Variants in TPH2 observed in about 807,000 individuals in gnomAD.
The protein encoded by TPH2 is tryptophan 5-hydroxylase 2.
In TPH2, 27 loss-of-function variants were observed where a neutral mutation model predicts 59.1. That is an observed-to-expected ratio of 0.46 (90% confidence interval 0.34 to 0.63). The LOEUF is 0.63. Ranked by LOEUF, TPH2 falls within the 30% of genes least tolerant of loss-of-function variation. The pLI is 0.01. For synonymous variants in TPH2, 220 were observed against 210.5 expected, an observed-to-expected ratio of 1.05 and a Z score of -0.39; for missense variants, 523 against 588.3, an observed-to-expected ratio of 0.89 and a Z score of 1.15.
intron 8 of TPH2, 41 bp from the exon 9 acceptor site, chr12:72,022,358 T>C: frequency 6.9e-7 from 1 of 1,446,092 alleles, no homozygotes; most frequent in Non-Finnish European, 9.7e-7. Context: ...ATCAAATAAC[T>C]CATTGACCAG....
chr12:71,982,347 T>A (rs7969114), intron 7 of TPH2, among the ~76,000 whole-genome samples: 88,292 of 151,696 alleles, frequency 0.58, 25,953 homozygotes, highest in African/African-American at 0.62. Flanking sequence ...TAATTCAGAA[T>A]TTAAAGTTCA....
chr12:72,031,354 G>C lies in TPH2; in HGVS notation c.1261G>C (p.Val421Leu). 1.9e-6 allele frequency: 3 copies of C among 1,613,644 alleles called. No homozygotes were observed. Among genetic ancestry groups the C allele is most frequent in the Non-Finnish European group, 8.5e-7 (1 of 1,179,636 alleles). Residue 421 changes from valine (V) to leucine (L), a missense_variant, in exon 10 of 11, where the codon GTT becomes CTT. By Grantham distance (32) the Val-to-Leu change is conservative. Transcript: ENST00000333850. ...CACCACCTTCCAGGAAGCCTACTTT[G>C]TTTCAGAAAGTTTTGAAGAAGCCAA... ...LITTFQEAYF[V>L]SESFEEAKEK...
chr12:71,959,477 A>T (rs12322900), intron 5 of TPH2, among the ~76,000 whole-genome samples: 77,174 of 151,950 alleles, frequency 0.51, 20,318 homozygotes, highest in Middle Eastern at 0.59. Flanking sequence ...GAGCTAGGGG[A>T]TTACTGATGC....
chr12:71,939,133 G>A (rs548329384), intron 1 of TPH2, 42 bp downstream of exon 1: 2 of 1,478,688 alleles, frequency 1.4e-6, no homozygotes, highest in African/African-American at 1.4e-5. Flanking sequence ...TTATTTTTTA[G>A]GGTGTGACCA....
At chr12:71,941,784 T>C in intron 2 of TPH2, 51 bp downstream of exon 2, 1 of 1,546,126 alleles carries the variant, frequency 6.5e-7, no homozygotes, top group Non-Finnish European at 8.9e-7. Flanking sequence ...TGTGCCTGGG[T>C]ACAAACCTGT....
At chr12:71,966,798 C>A (rs1303134078) in intron 5 of TPH2, among the ~76,000 whole-genome samples, 1 of 152,138 alleles carries the variant, frequency 6.6e-6, no homozygotes, top group East Asian at 1.9e-4. Flanking sequence ...CCTGTCACAT[C>A]TTCCTCCAAT....
At chr12:72,022,261 A>G (rs960645607) in intron 8 of TPH2, 138 bp from the exon 9 acceptor site, 26 of 702,956 alleles carry the variant, frequency 3.7e-5, no homozygotes, top group Non-Finnish European at 4.9e-5. Context: ...ATTTCAATAA[A>G]TGTTCTTGAT....
chr12:72,008,433 T>C (rs891715962), intron 8 of TPH2, among the ~76,000 whole-genome samples: 1 of 152,190 alleles, frequency 6.6e-6, no homozygotes, highest in Admixed American at 6.5e-5. Context: ...CTGTTCCTTA[T>C]TGTCCCAGGG....
At chr12:72,029,319 A>G (rs946989714) in intron 9 of TPH2, among the ~76,000 whole-genome samples, 22 of 152,202 alleles carry the variant, frequency 1.4e-4, no homozygotes, top group African/African-American at 4.8e-4. Flanking sequence ...GAGAGTAGGA[A>G]GACTAAACAC....
intron 5 of TPH2, among the ~76,000 whole-genome samples, chr12:71,971,918 C>T (rs1871983074): frequency 6.6e-6 from 1 of 152,122 alleles, no homozygotes; most frequent in South Asian, 2.1e-4. Flanking sequence ...TGACCTCATC[C>T]TAAATTGAGG....
Position 72,029,168 on chromosome 12 carries a change from G to A in TPH2, c.1165-2090G>A, listed in dbSNP as rs965825342. On this transcript the variant is annotated intron_variant, in intron 9 of 10. Coordinates refer to ENST00000333850, the MANE Select transcript of TPH2 (RefSeq NM_173353.4). ...AAGCAATGGAGACACAAACAGATGAGTTTCACTTCTTTCTTGTGCTTGTCC... is the reference window on the plus strand; with the variant it reads ...AAGCAATGGAGACACAAACAGATGAATTTCACTTCTTTCTTGTGCTTGTCC... Among the ~76,000 whole-genome samples, 5 of 152,292 alleles carry A rather than the reference G, an allele frequency of 3.3e-5. No homozygotes were observed. The East Asian group carries it at 9.6e-4, about 29-fold the overall frequency.
intron 9 of TPH2, among the ~76,000 whole-genome samples, chr12:72,025,360 AATC>A (rs1873538942): frequency 6.6e-6 from 1 of 152,058 alleles, no homozygotes; most frequent in Non-Finnish European, 1.5e-5. Context: ...AAGTATCCAC[AATC>A]ATCTTCTCTT....
chr12:71,951,042 C>G (rs536688474), intron 5 of TPH2, among the ~76,000 whole-genome samples: 9 of 152,118 alleles, frequency 5.9e-5, no homozygotes, highest in Non-Finnish European at 8.8e-5. Context: ...CTATTCTCAT[C>G]TCCTCTGTTC....
At chr12:71,944,155 T>C in intron 2 of TPH2, 139 bp from the exon 3 acceptor site, 1 of 839,904 alleles carries the variant, frequency 1.2e-6, no homozygotes, top group Non-Finnish European at 1.9e-6. Context: ...CATTTCCAAG[T>C]TTTATTCAAA....
In TPH2 at chr12:71,941,621, G is replaced by A. The variant is rs1391163941; in HGVS notation, c.143G>A (p.Gly48Asp). Residue 48 changes from glycine (G) to aspartate (D), a missense_variant, in exon 2 of 11, where the codon GGC (glycine) becomes GAC (aspartate). By Grantham distance (94) the Gly-to-Asp change is moderately conservative (BLOSUM62 -1). Coordinates refer to ENST00000333850, the MANE Select transcript of TPH2 (RefSeq NM_173353.4). ...AACTCTGGCAAAAATGACGACAAAG[G>A]CAACAAGGGAAGCAGCAAACGTGAA... ...KPNSGKNDDK[G>D]NKGSSKREAA... is the part of the protein sequence containing the mutation. The A allele has an allele frequency of 6.2e-7, 1 of 1,614,034 alleles. No individual in the cohort carries two copies. Among genetic ancestry groups the A allele is most frequent in the Admixed American group, 1.7e-5 (1 of 59,988 alleles).
chr12:72,032,033 G>T lies in TPH2; in HGVS notation c.*338G>T. ...CTCATTTATGCCCTTTTCTTTTTCA[G>T]ATCTAAGCCTTTCCTCTGTGTTCAT... On this transcript the variant is annotated 3_prime_UTR_variant, in exon 11 of 11. Transcript: ENST00000333850. 3.1e-6 allele frequency: 1 copy of T among 323,050 alleles called. No individual in the cohort carries two copies. Among genetic ancestry groups the T allele is most frequent in the South Asian group, 3.1e-5 (1 of 31,776 alleles). The allele number at this position is 323,050 out of a possible 1,614,324, so 20.0% of individuals were successfully genotyped here.
rs932872287 is a variant in TPH2, at chr12:72,031,523, A to T, written c.1301A>T (p.Asp434Val). 1 of 1,613,296 alleles carries T rather than the reference A, an allele frequency of 6.2e-7. No individual in the cohort carries two copies. Among genetic ancestry groups the T allele is most frequent in the Non-Finnish European group, 8.5e-7 (1 of 1,179,574 alleles). Reference sequence around the variant, plus strand: ...TTCTACTTCTGTTTATTCTGCAGGGACTTTGCAAAGTCAATTACCCGTCCC... The same window carrying T: ...TTCTACTTCTGTTTATTCTGCAGGGTCTTTGCAAAGTCAATTACCCGTCCC... ...SFEEAKEKMR[D>V]FAKSITRPFS... Residue 434 changes from aspartate to valine, a missense_variant and splice_region_variant, in exon 11 of 11, where the codon GAC (aspartate) becomes GTC (valine). Coordinates refer to ENST00000333850, the MANE Select transcript of TPH2 (RefSeq NM_173353.4).
chr12:71,939,012 C>T lies in TPH2; in HGVS notation c.26C>T (p.Ser9Phe). 1 of 1,614,122 alleles carries T rather than the reference C, an allele frequency of 6.2e-7. No homozygotes were observed. Among genetic ancestry groups the T allele is most frequent in the East Asian group, 2.2e-5 (1 of 44,882 alleles). ...ATGCAGCCAGCAATGATGATGTTTT[C>T]CAGTAAATACTGGGCACGGAGAGGG... MQPAMMMFSSKYWARRGFS... is the reference protein window; with the variant it reads MQPAMMMFFSKYWARRGFS... The change falls in exon 1 of 11, where the codon TCC becomes TTC. Residue 9 changes from serine (S) to phenylalanine (F), a missense_variant. Physicochemically the swap from Ser to Phe is radical, Grantham distance 155. Coordinates refer to ENST00000333850, the MANE Select transcript of TPH2 (RefSeq NM_173353.4).
chr12:71,972,698 T>C lies in TPH2; in HGVS notation c.788T>C (p.Val263Ala). Reference protein sequence around the residue: ...REDNVPQLEDVSMFLKERSGF... With the variant: ...REDNVPQLEDASMFLKERSGF... Reference sequence around the variant, plus strand: ...GACAATGTGCCTCAACTCGAAGATGTCTCCATGTTTCTGAAAGGTAAGATT... The same window carrying C: ...GACAATGTGCCTCAACTCGAAGATGCCTCCATGTTTCTGAAAGGTAAGATT... Residue 263 changes from valine to alanine, a missense_variant, in exon 6 of 11, where the codon GTC (valine) becomes GCC (alanine). Transcript: ENST00000333850. 6.2e-7 allele frequency: 1 copy of C among 1,613,980 alleles called. No homozygotes were observed.
Sources: gnomAD v4.1 joint callset for allele counts (sites outside exome capture counted in the v4.1 genomes callset) on GRCh38, gnomAD v4.1.1 for gene constraint, MANE v1.5 for transcripts, NCBI Gene and HGNC (gene_info 2026-07-23, HGNC 2026-07-21) for gene names.